The following SDK1 variants were observed in gnomAD, a reference collection of about 807,000 sequenced individuals.
The protein encoded by SDK1 is sidekick cell adhesion molecule 1, also known as protein sidekick-1.
SDK1 carries 157 observed loss-of-function variants against 245.5 expected under a neutral mutation model. The ratio of observed to expected loss-of-function variants is 0.64; its 90% CI spans 0.56 to 0.73. SDK1 has a LOEUF of 0.73. Among genes scored for constraint, SDK1 ranks in the 30% least tolerant of loss-of-function variants. The pLI is 0.00. For synonymous variants in SDK1, 1,647 were observed against 1,278.5 expected, an observed-to-expected ratio of 1.29 and a Z score of -6.15; for missense variants, 3,583 against 3,002.3, an observed-to-expected ratio of 1.19 and a Z score of -4.52.
At chr7:3,715,482 T>A (rs1035758648) in intron 4 of SDK1, among the ~76,000 whole-genome samples, 1 of 152,080 alleles carries the variant, frequency 6.6e-6, no homozygotes, top group South Asian at 2.1e-4. Context: ...CCCCTCACCT[T>A]CTACCTGGTG....
chr7:4,182,258 G>A (rs1210951066), intron 35 of SDK1, among the ~76,000 whole-genome samples: 5 of 152,094 alleles, frequency 3.3e-5, no homozygotes, highest in African/African-American at 1.2e-4. Context: ...CTCCCTCTAG[G>A]CGGGGCTCAG....
intron 44 of SDK1, among the ~76,000 whole-genome samples, chr7:4,259,435 C>T (rs1310461317): frequency 6.6e-6 from 1 of 152,146 alleles, no homozygotes; most frequent in Non-Finnish European, 1.5e-5. Flanking sequence ...AACTCTGTCT[C>T]AAAAATAAAT....
At chr7:4,233,113 A>G (rs1468703319) in intron 40 of SDK1, 142 bp from the exon 41 acceptor site, 34 of 701,618 alleles carry the variant, frequency 4.8e-5, no homozygotes, top group Non-Finnish European at 7.5e-5. Context: ...CTCCGTCCCC[A>G]TTCAGCACTC....
chr7:3,465,630 T>G (rs140593931), intron 1 of SDK1, among the ~76,000 whole-genome samples: 1 of 152,286 alleles, frequency 6.6e-6, no homozygotes, highest in African/African-American at 2.4e-5. Context: ...CGCATCCTGA[T>G]TCACCACTTT....
At chr7:3,322,268 C>A (rs981232847) in intron 1 of SDK1, among the ~76,000 whole-genome samples, 1 of 152,036 alleles carries the variant, frequency 6.6e-6, no homozygotes, top group Non-Finnish European at 1.5e-5. Context: ...GCTGCTTTTG[C>A]CTGGTGTGAT....
chr7:3,662,008 A>T (rs112591326), intron 4 of SDK1, among the ~76,000 whole-genome samples: 2 of 151,028 alleles, frequency 1.3e-5, no homozygotes, highest in Admixed American at 1.3e-4. Context: ...CACTTACTCA[A>T]ATGTTTCAAA....
At chr7:3,718,229 G>A (rs922986643) in intron 4 of SDK1, among the ~76,000 whole-genome samples, 1 of 152,112 alleles carries the variant, frequency 6.6e-6, no homozygotes, top group African/African-American at 2.4e-5. Flanking sequence ...GCTGGTTGCG[G>A]TGGCTCATCC....
intron 1 of SDK1, among the ~76,000 whole-genome samples, chr7:3,400,915 G>A (rs1778871824): frequency 6.6e-6 from 1 of 152,124 alleles, no homozygotes; most frequent in Admixed American, 6.5e-5. Flanking sequence ...TCTCTACCCA[G>A]TCTCGTGTAG....
intron 19 of SDK1, among the ~76,000 whole-genome samples, chr7:4,064,044 A>G (rs988745812): frequency 6.6e-6 from 1 of 152,242 alleles, no homozygotes; most frequent in Admixed American, 6.5e-5. Flanking sequence ...CTAAGATCTC[A>G]AAAGCACAGG....
intron 13 of SDK1, among the ~76,000 whole-genome samples, chr7:3,982,856 A>G (rs1394545590): frequency 1.3e-5 from 2 of 152,080 alleles, no homozygotes; most frequent in African/African-American, 4.8e-5. Context: ...AAAAAAAAGA[A>G]TGTTTGTGAT....
chr7:3,694,653 G>A (rs1032895268), intron 4 of SDK1, among the ~76,000 whole-genome samples: 1 of 152,142 alleles, frequency 6.6e-6, no homozygotes, highest in Non-Finnish European at 1.5e-5. Context: ...GGAAAACAAT[G>A]CCACTGTCTT....
At chr7:3,760,221 A>G (rs1396630992) in intron 4 of SDK1, among the ~76,000 whole-genome samples, 1 of 152,138 alleles carries the variant, frequency 6.6e-6, no homozygotes, top group Non-Finnish European at 1.5e-5. Context: ...TACAGTGATG[A>G]TCCAGTGCAG....
In SDK1 at chr7:3,666,131, G is replaced by T. The variant is rs866527822; in HGVS notation, c.713+24026G>T. Among the ~76,000 whole-genome samples the T allele has an allele frequency of 4.6e-5, 7 of 152,114 alleles. 1 individual carries two copies. Among genetic ancestry groups the T allele is most frequent in the Admixed American group, 1.3e-4 (2 of 15,278 alleles). ...CACCTCCTAATCCAGTTAACCAGAT[G>T]TTTCTGAAGGTGGCATATGACACCC... On this transcript the variant is annotated intron_variant, in intron 4 of 44. Coordinates refer to ENST00000404826, the MANE Select transcript of SDK1 (RefSeq NM_152744.4).
chr7:3,684,665 G>C (rs1784221838), intron 4 of SDK1, among the ~76,000 whole-genome samples: 1 of 152,128 alleles, frequency 6.6e-6, no homozygotes, highest in Non-Finnish European at 1.5e-5. Flanking sequence ...TGCTAAATCA[G>C]AGATGAATGT....
intron 12 of SDK1, among the ~76,000 whole-genome samples, chr7:3,973,804 G>C (rs910080242): frequency 1.3e-5 from 2 of 152,048 alleles, no homozygotes; most frequent in Non-Finnish European, 2.9e-5. Flanking sequence ...TGTAACCTCA[G>C]CATGTGTTTT....
intron 37 of SDK1, 66 bp downstream of exon 37, chr7:4,208,351 A>C (rs1784346262): frequency 1.4e-6 from 2 of 1,465,640 alleles, no homozygotes; most frequent in Non-Finnish European, 1.9e-6. Flanking sequence ...GCGCCAGCTC[A>C]GGTCCCCTCA....
At chr7:3,977,306 G>A (rs201428133) in intron 13 of SDK1, among the ~76,000 whole-genome samples, 16 of 105,302 alleles carry the variant, frequency 1.5e-4, no homozygotes, top group African/African-American at 4.1e-4. Context: ...TGAGGGTCCC[G>A]GGGCTGAGGC....
At chr7:3,674,128 G>C (rs1783813777) in intron 4 of SDK1, among the ~76,000 whole-genome samples, 2 of 152,168 alleles carry the variant, frequency 1.3e-5, no homozygotes, top group Admixed American at 1.3e-4. Context: ...TTGAAGCACA[G>C]TCAATGTGTA....
chr7:3,757,220 C>G (rs1453379425), intron 4 of SDK1, among the ~76,000 whole-genome samples: 1 of 152,124 alleles, frequency 6.6e-6, no homozygotes, highest in African/African-American at 2.4e-5. Flanking sequence ...CCAAAACCCC[C>G]TCCTTGGGCT....
Sources: allele counts gnomAD v4.1 joint callset (sites outside exome capture counted in the v4.1 genomes callset), GRCh38; gene constraint gnomAD v4.1.1; transcripts MANE v1.5; gene names NCBI Gene and HGNC (gene_info 2026-07-23, HGNC 2026-07-21).